PFKFB3: variants seen among roughly 807,000 people sequenced by gnomAD.
PFKFB3 encodes 6-phosphofructo-2-kinase/fructose-2,6-biphosphatase 3.
PFKFB3 carries 33 observed loss-of-function variants against 68.0 expected under a neutral mutation model. The observed-to-expected ratio is 0.49, with a 90% confidence interval of 0.37 to 0.65. The LOEUF (loss-of-function observed/expected upper bound fraction) is 0.65. Among genes scored for constraint, PFKFB3 ranks in the 30% least tolerant of loss-of-function variants. The probability of loss-of-function intolerance (pLI) is 0.00; values close to 1 mark genes in which losing one functional copy is unlikely to be tolerated. For synonymous variants in PFKFB3, 315 were observed against 288.2 expected (o/e 1.09, Z -0.94); for missense variants, 586 against 712.2 (o/e 0.82, Z 2.02).
rs1184784507 is a variant in PFKFB3, at chr10:6,228,826, C to T, written c.1515+2461C>T. 1.3e-5 allele frequency among the ~76,000 whole-genome samples: 2 copies of T among 152,156 alleles called. No homozygotes were observed. The highest frequency in any genetic ancestry group is 2.9e-5 in the Non-Finnish European group (2 of 68,022). ...GAGCCTGCTCAGCGTCATAGTCACG[C>T]CCGGGGCTGGGTGCAGCCTCCATCT... On this transcript the variant is annotated intron_variant, in intron 14 of 14. Coordinates refer to ENST00000379775, the MANE Select transcript of PFKFB3 (RefSeq NM_004566.4). This position sits in a 1 kb window ranked among gnomAD's most constrained non-coding sequence, Gnocchi z 4.5.
At chr10:6,280,455 T>A in the PFKFB3 span, among the ~76,000 whole-genome samples, 1 of 152,212 alleles carries the variant, frequency 6.6e-6, no homozygotes, top group East Asian at 1.9e-4. Context: ...GACGGGCCAG[T>A]GGCTCTCAGT....
intron 14 of PFKFB3, among the ~76,000 whole-genome samples, chr10:6,230,695 G>A (rs1470657221): frequency 6.6e-6 from 1 of 151,816 alleles, no homozygotes; most frequent in East Asian, 1.9e-4. Flanking sequence ...AAATCCCTGG[G>A]GTCTCAAGGC....
the PFKFB3 span, among the ~76,000 whole-genome samples, chr10:6,262,583 A>G: frequency 7.9e-5 from 12 of 152,092 alleles, no homozygotes; most frequent in African/African-American, 2.7e-4. Context: ...CCCTAAGGCC[A>G]TAAGGATATT....
At chr10:6,256,335 G>A (rs1564238885), downstream of PFKFB3, among the ~76,000 whole-genome samples, 1 of 152,148 alleles carries the variant, frequency 6.6e-6, no homozygotes, top group Non-Finnish European at 1.5e-5. Flanking sequence ...AAGGACTTGG[G>A]GGGTGTAGGT....
At chr10:6,320,613 C>T in the PFKFB3 span, among the ~76,000 whole-genome samples, 5 of 152,098 alleles carry the variant, frequency 3.3e-5, no homozygotes, top group East Asian at 1.9e-4. Flanking sequence ...TCAGTAGCGA[C>T]GAGGTCTCCC....
At chr10:6,169,339 G>A (rs1024528931) in intron 1 of PFKFB3, among the ~76,000 whole-genome samples, 2 of 152,170 alleles carry the variant, frequency 1.3e-5, no homozygotes, top group Non-Finnish European at 2.9e-5. Flanking sequence ...CTTACGCAGG[G>A]AGGATTGTGA....
chr10:6,222,610 C>T (rs1284873977), intron 10 of PFKFB3: 5 of 313,440 alleles, frequency 1.6e-5, no homozygotes, highest in Admixed American at 4.9e-5. Flanking sequence ...GTGCCTTTTG[C>T]GCCCAGTTCT....
upstream of PFKFB3, among the ~76,000 whole-genome samples, chr10:6,201,370 C>A (rs1843343218): frequency 6.6e-6 from 1 of 151,856 alleles, no homozygotes; most frequent in Admixed American, 6.6e-5. This position sits in a 1 kb window ranked among gnomAD's most constrained non-coding sequence, Gnocchi z 4.1. Context: ...GGAAACCAGA[C>A]CGTCAGCAAA....
At chr10:6,292,524 C>T in the PFKFB3 span, among the ~76,000 whole-genome samples, 2 of 150,910 alleles carry the variant, frequency 1.3e-5, no homozygotes, top group Non-Finnish European at 3.0e-5. Flanking sequence ...CTCCTGACCT[C>T]GTGATCTGCC....
the PFKFB3 span, among the ~76,000 whole-genome samples, chr10:6,305,575 A>G: frequency 3.9e-5 from 6 of 152,258 alleles, no homozygotes; most frequent in East Asian, 7.7e-4. Flanking sequence ...CTTGCTTTTA[A>G]GCTCCTGATT....
intron 1 of PFKFB3, among the ~76,000 whole-genome samples, chr10:6,155,197 G>GTTT (rs1554839904): frequency 8.9e-5 from 9 of 101,320 alleles, no homozygotes; most frequent in Non-Finnish European, 2.0e-4. Flanking sequence ...GCACTTACGA[G>GTTT]TTTTTTTCTT....
At chr10:6,305,360 T>TTTTTA in the PFKFB3 span, among the ~76,000 whole-genome samples, 1 of 120,322 alleles carries the variant, frequency 8.3e-6, no homozygotes, top group Non-Finnish European at 1.8e-5. Context: ...TTTTTTTTTT[T>TTTTTA]AGTAGAGATG....
intron 1 of PFKFB3, among the ~76,000 whole-genome samples, chr10:6,145,804 T>A (rs571559905): frequency 6.6e-6 from 1 of 152,110 alleles, no homozygotes; most frequent in South Asian, 2.1e-4. Flanking sequence ...CTCCGCCTTT[T>A]CCGCCCTGCG....
In PFKFB3 at chr10:6,186,540, G is replaced by A. The variant is rs563395409; in HGVS notation, c.17-27083G>A. Among the ~76,000 whole-genome samples, 4 of 152,306 alleles carry A rather than the reference G, an allele frequency of 2.6e-5. No homozygotes were observed. In the South Asian group the frequency reaches 6.2e-4, roughly 24 times the overall value. ...TTACTACATGCTATTTAGTTATCAG[G>A]GGAAACTGAATTTGTCACAGATCAT... On this transcript the variant is annotated intron_variant, in intron 1 of 14. Coordinates refer to the PFKFB3 transcript ENST00000379789.
downstream of PFKFB3, among the ~76,000 whole-genome samples, chr10:6,258,272 T>C (rs1031710468): frequency 6.6e-6 from 1 of 152,162 alleles, no homozygotes; most frequent in African/African-American, 2.4e-5. Context: ...TGTGTTACTA[T>C]AAGAGAGTTT....
At chr10:6,177,767 A>C (rs950117597) in intron 1 of PFKFB3, among the ~76,000 whole-genome samples, 1 of 151,982 alleles carries the variant, frequency 6.6e-6, no homozygotes, top group African/African-American at 2.4e-5. Context: ...CAGGTGATCT[A>C]TCCGCCTTGG....
intron 1 of PFKFB3, among the ~76,000 whole-genome samples, chr10:6,174,897 C>T (rs969987059): frequency 6.6e-6 from 1 of 151,796 alleles, no homozygotes; most frequent in Admixed American, 6.6e-5. Flanking sequence ...CTCACTGCAA[C>T]CTCCACCTCC....
chr10:6,156,735 C>T (rs1400508947), intron 1 of PFKFB3, among the ~76,000 whole-genome samples: 6 of 152,082 alleles, frequency 3.9e-5, no homozygotes, highest in African/African-American at 1.4e-4. Flanking sequence ...ATCCGCCCAC[C>T]TTGGCCTCCC....
chr10:6,262,340 G>C, the PFKFB3 span, among the ~76,000 whole-genome samples: 1 of 135,096 alleles, frequency 7.4e-6, no homozygotes, highest in Non-Finnish European at 1.6e-5. Context: ...TGTAGTCCCA[G>C]CTGCTCCAGA....
Sources: allele counts gnomAD v4.1 joint callset (sites outside exome capture counted in the v4.1 genomes callset), GRCh38; gene constraint gnomAD v4.1.1; non-coding constraint Gnocchi (gnomAD v3.1); transcripts MANE v1.5; gene names NCBI Gene and HGNC (gene_info 2026-07-23, HGNC 2026-07-21).